The following BTBD19 variants were observed in gnomAD, a reference collection of about 807,000 sequenced individuals.
The protein encoded by BTBD19 is BTB/POZ domain-containing protein 19.
BTBD19 carries 20 observed loss-of-function variants against 36.1 expected under a neutral mutation model. The observed-to-expected ratio is 0.55, with a 90% CI of 0.39 to 0.80. The LOEUF (loss-of-function observed/expected upper bound fraction) is 0.80. Among genes scored for constraint, BTBD19 ranks in the 30% least tolerant of loss-of-function variants. BTBD19 has a pLI of 0.00. For missense variants in BTBD19, 325 were observed against 389.8 expected, an observed-to-expected ratio of 0.83 and a Z score of 1.40; for synonymous variants, 157 against 174.3, an observed-to-expected ratio of 0.90 and a Z score of 0.78.
At chr1:44,814,210 CTTT>C (rs869232151), downstream of BTBD19, 1 of 100,014 alleles carries the variant, frequency 1.0e-5, no homozygotes, top group Non-Finnish European at 1.9e-5. Flanking sequence ...TTCTTTCTTT[CTTT>C]TTCTTTCTTT....
At chr1:44,814,152 T>TTCTTTCTTTCTG (rs1171080532), downstream of BTBD19, 3,161 of 72,834 alleles carry the variant, frequency 0.043, 103 homozygotes, top group East Asian at 0.082. Flanking sequence ...TTCTTTCTCT[T>TTCTTTCTTTCTG]TCTTTCTTTC....
chr1:44,810,657 C>T lies in BTBD19; in HGVS notation c.354+50C>T. The T allele has an allele frequency of 1.4e-6, 2 of 1,479,544 alleles. No homozygotes were observed. The allele number at this position is 1,479,544 out of a possible 1,614,324, so 91.7% of individuals were successfully genotyped here. On this transcript the variant is annotated intron_variant, in intron 3 of 7. Coordinates refer to ENST00000450269, the Ensembl canonical transcript of BTBD19. This position sits in a 1 kb window ranked among gnomAD's most constrained non-coding sequence, Gnocchi z 4.2. ...TCTCATTTCCCTTGCTTCTCACGGGCTCACTTCCCGCCCTGCCTCACACAC... is the reference window on the plus strand; with the variant it reads ...TCTCATTTCCCTTGCTTCTCACGGGTTCACTTCCCGCCCTGCCTCACACAC...
chr1:44,813,946 C>T lies in BTBD19; in HGVS notation c.*174C>T, dbSNP rs2148865823. On this transcript the variant is annotated 3_prime_UTR_variant, in exon 8 of 8. Transcript: ENST00000450269. This position sits in a 1 kb window ranked among gnomAD's most constrained non-coding sequence, Gnocchi z 7.8. ...CGCAGCCCCTTGTGCGGGATCAAGC[C>T]CGTGTGGGCGAGGTGGGGTCGGGCC... The T allele has an allele frequency of 9.0e-7, 1 of 1,115,056 alleles. No homozygotes were observed. The highest frequency in any genetic ancestry group is 1.6e-5 in the African/African-American group (1 of 64,014). 69.1% of individuals were successfully genotyped at this position (1,115,056 alleles called of 1,614,324 possible).
intron 1 of BTBD19, among the ~76,000 whole-genome samples, chr1:44,809,901 A>G (rs1246061941): frequency 6.6e-6 from 1 of 151,670 alleles, no homozygotes; most frequent in Non-Finnish European, 1.5e-5. Flanking sequence ...CCTTGCTTCT[A>G]TTAGCCCAGA....
At position 44,813,753 on chromosome 1, in the gene BTBD19, T is replaced by C. The variant is rs1373768859; in HGVS notation, c.857T>C (p.Leu286Pro). ...CTGCCCCGGGAGCATCACCGCTTTC[T>C]GGACCTGTCCTTCAAATGATCCAAC... The change falls in exon 8 of 8, where the codon CTG (leucine) becomes CCG (proline). Residue 286 changes from leucine to proline, a missense_variant. Coordinates refer to ENST00000450269, the Ensembl canonical transcript of BTBD19. The surrounding 1 kb of genome is among the most constrained non-coding windows in gnomAD (Gnocchi z 7.8). 7.7e-6 allele frequency: 12 copies of C among 1,551,460 alleles called. No homozygotes were observed. The highest frequency in any genetic ancestry group is 1.0e-5 in the Non-Finnish European group (12 of 1,146,828).
At position 44,813,365 on chromosome 1, in the gene BTBD19, C is replaced by A; in HGVS notation, c.616-9C>A. 2 of 1,545,378 alleles carry A rather than the reference C, an allele frequency of 1.3e-6. No homozygotes were observed. Among genetic ancestry groups the A allele is most frequent in the Non-Finnish European group, 8.7e-7 (1 of 1,146,586 alleles). ...GGACAGGTGCCCGACTCAGGGCTGGCGTTTGCAGGCGGTGCTGGAGCGGCC... is the reference window on the plus strand; with the variant it reads ...GGACAGGTGCCCGACTCAGGGCTGGAGTTTGCAGGCGGTGCTGGAGCGGCC... On this transcript the variant is annotated splice_polypyrimidine_tract_variant and intron_variant, in intron 6 of 7. Transcript: ENST00000450269. This position sits in a 1 kb window ranked among gnomAD's most constrained non-coding sequence, Gnocchi z 7.8.
chr1:44,808,887 G>C (rs1180269697), exon 1 of BTBD19: 1 of 1,550,236 alleles, frequency 6.5e-7, no homozygotes, highest in East Asian at 2.5e-5. Flanking sequence ...CCGAAGCCTT[G>C]TCAACAACCC....
chr1:44,809,067 C>A (rs185248219), intron 1 of BTBD19, among the ~76,000 whole-genome samples, 161 bp downstream of exon 1: 49 of 152,316 alleles, frequency 3.2e-4, no homozygotes, highest in South Asian at 6.2e-4. Flanking sequence ...GGCTACTGGT[C>A]ACTCAGTGTC....
At chr1:44,814,155 T>C (rs1480874222), downstream of BTBD19, 1 of 101,464 alleles carries the variant, frequency 9.9e-6, no homozygotes, top group Admixed American at 1.0e-4. Flanking sequence ...TTTCTCTTTC[T>C]TTCTTTCTTT....
Position 44,813,657 on chromosome 1 carries a change from C to T in BTBD19, c.761C>T (p.Ala254Val). 1.3e-6 allele frequency: 2 copies of T among 1,550,724 alleles called. No individual in the cohort carries two copies. The highest frequency in any genetic ancestry group is 1.4e-5 in the African/African-American group (1 of 73,160). ...CTGCAGGTGGAGCAGATTGTGGAGGCGTGGAAATGCCATGCCCTGCGGAGA... is the reference window on the plus strand; with the variant it reads ...CTGCAGGTGGAGCAGATTGTGGAGGTGTGGAAATGCCATGCCCTGCGGAGA... Residue 254 changes from alanine (A) to valine (V), a missense_variant, in exon 8 of 8, where the codon GCG (alanine) becomes GTG (valine). Physicochemically the swap from Ala to Val is moderately conservative, Grantham distance 64. Coordinates refer to ENST00000450269, the Ensembl canonical transcript of BTBD19. This position sits in a 1 kb window ranked among gnomAD's most constrained non-coding sequence, Gnocchi z 7.8.
At chr1:44,811,369 A>G (rs1322340841) in intron 3 of BTBD19, among the ~76,000 whole-genome samples, 1 of 152,068 alleles carries the variant, frequency 6.6e-6, no homozygotes, top group Admixed American at 6.6e-5. Flanking sequence ...AACAAATAGG[A>G]TTTTGTTCCT....
chr1:44,811,280 TG>T (rs529596440), intron 3 of BTBD19, among the ~76,000 whole-genome samples: 1 of 150,206 alleles, frequency 6.7e-6, no homozygotes, highest in Non-Finnish European at 1.5e-5. Flanking sequence ...CGAGACTGTA[TG>T]GGGGGACTCT....
Position 44,813,459 on chromosome 1 carries a change from G to T in BTBD19, c.701G>T (p.Ser234Ile). 6.5e-7 allele frequency: 1 copy of T among 1,546,342 alleles called. No homozygotes were observed. ...GCCTTGCTGGCCCCGGCGGAGCTGA[G>T]CGCCCTGGAAGAGCAGAACCGGCAG... is the stretch of plus-strand genomic sequence containing the variant. Residue 234 changes from serine to isoleucine, a missense_variant, in exon 7 of 8, where the codon AGC becomes ATC. By Grantham distance (142) the Ser-to-Ile change is moderately radical (BLOSUM62 -2). Coordinates refer to ENST00000450269, the Ensembl canonical transcript of BTBD19. The surrounding 1 kb of genome is among the most constrained non-coding windows in gnomAD (Gnocchi z 7.8).
In BTBD19 at chr1:44,813,879, T is replaced by G; in HGVS notation, c.*107T>G. ...TCGGAGCGGGCTTCCGTTCCCAGCG[T>G]GCCCAGTGAGCCGGGCGCCGGAAGA... On this transcript the variant is annotated 3_prime_UTR_variant, in exon 8 of 8. Coordinates refer to ENST00000450269, the Ensembl canonical transcript of BTBD19. This position sits in a 1 kb window ranked among gnomAD's most constrained non-coding sequence, Gnocchi z 7.8. The G allele has an allele frequency of 6.8e-7, 1 of 1,475,042 alleles. No homozygotes were observed. The highest frequency in any genetic ancestry group is 9.2e-7 in the Non-Finnish European group (1 of 1,085,136). The allele number at this position is 1,475,042 out of a possible 1,614,324, so 91.4% of individuals were successfully genotyped here.
rs1053000977 is a variant in BTBD19, at chr1:44,813,352, G to A, written c.616-22G>A. ...TGAGCGGGCGGCAGGACAGGTGCCC[G>A]ACTCAGGGCTGGCGTTTGCAGGCGG... On this transcript the variant is annotated intron_variant, in intron 6 of 7. Transcript: ENST00000450269. This position sits in a 1 kb window ranked among gnomAD's most constrained non-coding sequence, Gnocchi z 7.8. 4 of 1,543,572 alleles carry A rather than the reference G, an allele frequency of 2.6e-6. No homozygotes were observed. Among genetic ancestry groups the A allele is most frequent in the East Asian group, 2.4e-5 (1 of 40,914 alleles).
At position 44,813,410 on chromosome 1, in the gene BTBD19, C is replaced by G; in HGVS notation, c.652C>G (p.Pro218Ala). The G allele has an allele frequency of 6.5e-7, 1 of 1,541,356 alleles. No homozygotes were observed. Among genetic ancestry groups the G allele is most frequent in the Non-Finnish European group, 8.7e-7 (1 of 1,146,466 alleles). Residue 218 changes from proline (P) to alanine (A), a missense_variant, in exon 7 of 8, where the codon CCG (proline) becomes GCG (alanine). Pro to Ala is a conservative substitution (Grantham distance 27). Coordinates refer to ENST00000450269, the Ensembl canonical transcript of BTBD19. This position sits in a 1 kb window ranked among gnomAD's most constrained non-coding sequence, Gnocchi z 7.8. ...GCGGCCGGTGGCTGAGGTGGCGGCCCCGGTGGTGAAAGAGCTGAGACTAGC... is the reference window on the plus strand; with the variant it reads ...GCGGCCGGTGGCTGAGGTGGCGGCCGCGGTGGTGAAAGAGCTGAGACTAGC...
chr1:44,813,741 A>G lies in BTBD19; in HGVS notation c.845A>G (p.His282Arg). The G allele has an allele frequency of 6.4e-7, 1 of 1,551,346 alleles. No homozygotes were observed. The highest frequency in any genetic ancestry group is 1.4e-5 in the African/African-American group (1 of 73,114). ...CGGAGAGGCACCCTGCCCCGGGAGC[A>G]TCACCGCTTTCTGGACCTGTCCTTC... Residue 282 changes from histidine (H) to arginine (R), a missense_variant, in exon 8 of 8, where the codon CAT becomes CGT. By Grantham distance (29) the His-to-Arg change is conservative. Coordinates refer to ENST00000450269, the Ensembl canonical transcript of BTBD19. The surrounding 1 kb of genome is among the most constrained non-coding windows in gnomAD (Gnocchi z 7.8).
chr1:44,810,109 C>A lies in BTBD19; in HGVS notation c.87-104C>A. 1 of 1,041,524 alleles carries A rather than the reference C, an allele frequency of 9.6e-7. No individual in the cohort carries two copies. Among genetic ancestry groups the A allele is most frequent in the South Asian group, 1.4e-5 (1 of 69,656 alleles). 64.5% of individuals were successfully genotyped at this position (1,041,524 alleles called of 1,614,324 possible). On this transcript the variant is annotated intron_variant, in intron 1 of 7. Coordinates refer to ENST00000450269, the Ensembl canonical transcript of BTBD19. The surrounding 1 kb of genome is among the most constrained non-coding windows in gnomAD (Gnocchi z 4.2). The stretch of plus-strand genomic sequence containing the variant: ...TGGAGGGACGAAGCCCTGTCTCTTA[C>A]ATTCTGGTTAGGAAACTAAGACCCA...
chr1:44,812,879 G>A (rs1573627132), intron 4 of BTBD19, 117 bp from the exon 5 acceptor site: 4 of 875,194 alleles, frequency 4.6e-6, no homozygotes, highest in South Asian at 3.5e-5. Context: ...AGGGCTGAGG[G>A]CCCTGTCAGC....
Sources: gnomAD v4.1 joint callset for allele counts (sites outside exome capture counted in the v4.1 genomes callset) on GRCh38, gnomAD v4.1.1 for gene constraint, Gnocchi (gnomAD v3.1) non-coding constraint, MANE v1.5 for transcripts, NCBI Gene and HGNC (gene_info 2026-07-23, HGNC 2026-07-21) for gene names.